The following SLC16A9 variants were observed in gnomAD, a reference collection of about 807,000 sequenced individuals.
SLC16A9 encodes solute carrier family 16 member 9, also known as monocarboxylate transporter 9.
A neutral mutation model predicts 44.3 loss-of-function variants in SLC16A9; 26 were observed. That is an observed-to-expected ratio of 0.59 (90% CI 0.43 to 0.81). The LOEUF (loss-of-function observed/expected upper bound fraction) is 0.81. Ranked by LOEUF, SLC16A9 falls within the 40% of genes least tolerant of loss-of-function variation. SLC16A9 has a pLI of 0.00. For missense variants in SLC16A9, 559 were observed against 595.8 expected (o/e 0.94, Z 0.64); for synonymous variants, 230 against 225.1 (o/e 1.02, Z -0.19).
rs1588954996 is a variant in SLC16A9, at chr10:59,651,457, G to A, written c.*1315C>T. On this transcript the variant is annotated 3_prime_UTR_variant, in exon 6 of 6. Coordinates refer to ENST00000395348, the MANE Select transcript of SLC16A9 (RefSeq NM_194298.3). ...AATCTTATAAAAATTCTCAATCCAG[G>A]CTGTGTTATCAGAATCACTTGAAGA... 6.6e-6 allele frequency: 1 copy of A among 152,044 alleles called. No individual in the cohort carries two copies. The highest frequency in any genetic ancestry group is 2.1e-4 in the South Asian group (1 of 4,794). 9.4% of individuals were successfully genotyped at this position (152,044 alleles called of 1,614,324 possible). A position where few individuals can be genotyped will look rare whatever the true frequency, so the allele number is the denominator to read the frequency against.
At chr10:59,692,531 T>C (rs1389671073) in intron 1 of SLC16A9, among the ~76,000 whole-genome samples, 1 of 152,228 alleles carries the variant, frequency 6.6e-6, no homozygotes. Flanking sequence ...GCTGCACATA[T>C]TAAATGGATC....
chr10:59,699,901 A>AACAC (rs57820696), intron 1 of SLC16A9, among the ~76,000 whole-genome samples: 7,540 of 147,596 alleles, frequency 0.051, 213 homozygotes, highest in South Asian at 0.062. Flanking sequence ...CTGCACTGAA[A>AACAC]ACACACACAC....
intron 1 of SLC16A9, among the ~76,000 whole-genome samples, chr10:59,696,953 G>C (rs1415393147): frequency 7.1e-6 from 1 of 141,340 alleles, no homozygotes; most frequent in Non-Finnish European, 1.5e-5. Context: ...CCCCCCGCCC[G>C]GCCAGCCGCC....
At chr10:59,668,885 C>T (rs1165111253) in intron 3 of SLC16A9, among the ~76,000 whole-genome samples, 1 of 151,946 alleles carries the variant, frequency 6.6e-6, no homozygotes, top group Admixed American at 6.6e-5. Context: ...AAAGGGGGGG[C>T]TTATAAATCT....
chr10:59,662,641 A>AAAAAAAAAAAAAG (rs1839505476), intron 4 of SLC16A9, among the ~76,000 whole-genome samples: 1 of 147,246 alleles, frequency 6.8e-6, no homozygotes, highest in African/African-American at 2.6e-5. Flanking sequence ...CTCAAAAAAA[A>AAAAAAAAAAAAAG]AAAAAAAAAA....
chr10:59,683,804 A>G (rs998711645), intron 2 of SLC16A9, among the ~76,000 whole-genome samples: 1 of 152,194 alleles, frequency 6.6e-6, no homozygotes, highest in African/African-American at 2.4e-5. Context: ...GGCAGGAACC[A>G]TGTGTTTGCT....
Position 59,654,262 on chromosome 10 carries a change from T to G in SLC16A9, c.764A>C (p.Lys255Thr). 6.2e-7 allele frequency: 1 copy of G among 1,614,220 alleles called. No individual in the cohort carries two copies. The highest frequency in any genetic ancestry group is 8.5e-7 in the Non-Finnish European group (1 of 1,180,038). The change falls in exon 5 of 6, where the codon AAA becomes ACA. Residue 255 changes from lysine (K) to threonine (T), a missense_variant. Transcript: ENST00000395348. ...GDWKQDSLLHKNPTVTHTKEP... is the reference protein window; with the variant it reads ...GDWKQDSLLHTNPTVTHTKEP... ...TTTTGTGTGTGTCACTGTGGGGTTT[T>G]TATGAAGTAGGCTGTCTTGTTTCCA...
chr10:59,653,821 G>A lies in SLC16A9; in HGVS notation c.1205C>T (p.Ser402Phe), dbSNP rs757128927. 1 of 1,614,126 alleles carries A rather than the reference G, an allele frequency of 6.2e-7. No individual in the cohort carries two copies. The highest frequency in any genetic ancestry group is 8.5e-7 in the Non-Finnish European group (1 of 1,180,042). The change falls in exon 5 of 6, where the codon TCT becomes TTT. Residue 402 changes from serine to phenylalanine, a missense_variant. Physicochemically the swap from Ser to Phe is radical, Grantham distance 155 (BLOSUM62 -2). Coordinates refer to ENST00000395348, the MANE Select transcript of SLC16A9 (RefSeq NM_194298.3). ...AKSYVTLALL[S>F]GILGFLTGNW... Reference sequence around the variant, plus strand: ...ACCAGTAAGAAACCCTAGGATCCCAGAAAGCAACGCCAATGTGACATAGCT... The same window carrying A: ...ACCAGTAAGAAACCCTAGGATCCCAAAAAGCAACGCCAATGTGACATAGCT...
intron 1 of SLC16A9, among the ~76,000 whole-genome samples, chr10:59,707,983 A>T (rs2132562439): frequency 6.6e-6 from 1 of 152,300 alleles, no homozygotes; most frequent in Non-Finnish European, 1.5e-5. Context: ...CTTCCTATGG[A>T]TATGAAGGAT....
chr10:59,686,910 G>A (rs73265535), intron 1 of SLC16A9, among the ~76,000 whole-genome samples: 1 of 152,160 alleles, frequency 6.6e-6, no homozygotes, highest in Admixed American at 6.5e-5. Context: ...ACCAGTGTCA[G>A]GCACATAGGC....
At chr10:59,661,316 C>A (rs369798888) in intron 4 of SLC16A9, among the ~76,000 whole-genome samples, 1 of 152,194 alleles carries the variant, frequency 6.6e-6, no homozygotes, top group South Asian at 2.1e-4. Flanking sequence ...TCTCAGGACA[C>A]AAAATCAATG....
At chr10:59,693,513 G>T (rs1840297913) in intron 1 of SLC16A9, among the ~76,000 whole-genome samples, 2 of 152,038 alleles carry the variant, frequency 1.3e-5, no homozygotes, top group South Asian at 4.1e-4. Flanking sequence ...TCTTCATTCT[G>T]TATGTCTATA....
At chr10:59,681,107 A>G (rs1839976571) in intron 2 of SLC16A9, among the ~76,000 whole-genome samples, 1 of 152,126 alleles carries the variant, frequency 6.6e-6, no homozygotes, top group South Asian at 2.1e-4. Context: ...AGATGATCCT[A>G]ATTATCTCCC....
Position 59,675,148 on chromosome 10 carries a change from T to G in SLC16A9, c.197-2235A>C, listed in dbSNP as rs1328952626. On this transcript the variant is annotated intron_variant, in intron 2 of 5. Coordinates refer to ENST00000395348, the MANE Select transcript of SLC16A9 (RefSeq NM_194298.3). ...TAGGTCAGAGATTAAAGACAAAAAA[T>G]TTTAGAGCTGAAATTTTGGAAGTTG... 2.6e-5 allele frequency among the ~76,000 whole-genome samples: 4 copies of G among 152,240 alleles called. No homozygotes were observed. In the East Asian group the frequency reaches 7.7e-4, roughly 29 times the overall value.
chr10:59,704,344 C>T (rs1390405342), intron 1 of SLC16A9, among the ~76,000 whole-genome samples: 1 of 152,152 alleles, frequency 6.6e-6, no homozygotes, highest in East Asian at 1.9e-4. Context: ...CCGGGTAAAC[C>T]TTGTGAAGAT....
At chr10:59,704,462 C>T (rs1028391923) in intron 1 of SLC16A9, among the ~76,000 whole-genome samples, 5 of 152,194 alleles carry the variant, frequency 3.3e-5, no homozygotes, top group Non-Finnish European at 7.3e-5. Context: ...ATCCTTTACT[C>T]ACCAATCCAT....
chr10:59,670,789 A>T (rs1175827865), intron 3 of SLC16A9, among the ~76,000 whole-genome samples: 1 of 152,160 alleles, frequency 6.6e-6, no homozygotes, highest in Non-Finnish European at 1.5e-5. Flanking sequence ...AACAGAATGA[A>T]AGTGCCAGTG....
At chr10:59,670,403 T>C (rs1297621339) in intron 3 of SLC16A9, among the ~76,000 whole-genome samples, 1 of 152,214 alleles carries the variant, frequency 6.6e-6, no homozygotes, top group Non-Finnish European at 1.5e-5. Flanking sequence ...CACAAACTCC[T>C]ATAAGACGGG....
intron 5 of SLC16A9, 138 bp downstream of exon 5, chr10:59,653,537 A>G (rs1839266053): frequency 2.9e-6 from 2 of 678,530 alleles, no homozygotes; most frequent in Non-Finnish European, 4.8e-6. Flanking sequence ...GCAGTCTTGA[A>G]TAAATCATTA....
Sources: gnomAD v4.1 joint callset for allele counts (sites outside exome capture counted in the v4.1 genomes callset) on GRCh38, gnomAD v4.1.1 for gene constraint, MANE v1.5 for transcripts, NCBI Gene and HGNC (gene_info 2026-07-23, HGNC 2026-07-21) for gene names.